The following KLRG1 variants were observed in gnomAD, a reference collection of about 807,000 sequenced individuals.
KLRG1 encodes the protein killer cell lectin like receptor G1.
Under a neutral mutation model 21.8 loss-of-function variants are expected in KLRG1, and 16 were observed. The observed-to-expected ratio is 0.73, with a 90% CI of 0.50 to 1.11. The LOEUF (loss-of-function observed/expected upper bound fraction) is 1.11, where lower values mean the gene tolerates loss of function less well. KLRG1 is among the 50% of genes most tolerant of loss of function. The pLI is 0.00. For synonymous variants in KLRG1, 69 were observed against 75.9 expected (o/e 0.91, Z 0.47); for missense variants, 173 against 218.3 (o/e 0.79, Z 1.31).
chr12:9,149,650 A>G, the KLRG1 span: 2 of 1,583,646 alleles, frequency 1.3e-6, no homozygotes, highest in Non-Finnish European at 1.7e-6. Context: ...TCTATGAACT[A>G]GGGACCATGC....
the KLRG1 span, among the ~76,000 whole-genome samples, chr12:9,044,474 G>C: frequency 2.0e-5 from 3 of 152,096 alleles, no homozygotes; most frequent in Non-Finnish European, 4.4e-5. Flanking sequence ...CCACCAGCCT[G>C]ACCAACATGG....
chr12:9,090,638 G>T, the KLRG1 span: 1 of 723,352 alleles, frequency 1.4e-6, no homozygotes, highest in Non-Finnish European at 2.2e-6. Flanking sequence ...TATTTAAGTG[G>T]ATCTTAATGT....
the KLRG1 span, chr12:9,072,396 T>C: frequency 1.2e-6 from 2 of 1,613,932 alleles, no homozygotes; most frequent in East Asian, 4.5e-5. Flanking sequence ...GTGTGGGCTT[T>C]GGGTTCATCA....
chr12:8,996,148 C>T (rs1805720), intron 3 of KLRG1, among the ~76,000 whole-genome samples: 55,669 of 151,900 alleles, frequency 0.37, 11,032 homozygotes, highest in Non-Finnish European at 0.44. Context: ...GAAGAAAACA[C>T]GCGTGCACGT....
At chr12:9,148,899 A>G in the KLRG1 span, 3 of 1,334,456 alleles carry the variant, frequency 2.2e-6, no homozygotes, top group Non-Finnish European at 3.2e-6. Flanking sequence ...TTTTATAGAG[A>G]CAAATAACTC....
At chr12:9,180,020 G>A in the KLRG1 span, among the ~76,000 whole-genome samples, 4 of 152,138 alleles carry the variant, frequency 2.6e-5, no homozygotes, top group African/African-American at 9.7e-5. Context: ...CCGGAATGTT[G>A]GGCAGATTAA....
chr12:9,005,328 T>C (rs1006587564), intron 3 of KLRG1, among the ~76,000 whole-genome samples: 5 of 152,162 alleles, frequency 3.3e-5, no homozygotes, highest in African/African-American at 1.2e-4. Context: ...ATTCTGCACA[T>C]GTGCCCCAGA....
At chr12:9,079,657 T>A in the KLRG1 span, 1 of 1,613,350 alleles carries the variant, frequency 6.2e-7, no homozygotes, top group African/African-American at 1.3e-5. Flanking sequence ...AGATAGCCAA[T>A]GGCCTTGGAC....
chr12:9,169,296 A>G, the KLRG1 span: 1 of 910,512 alleles, frequency 1.1e-6, no homozygotes, highest in Non-Finnish European at 1.6e-6. Flanking sequence ...TAACCTTTTT[A>G]TTGGCTTCAT....
the KLRG1 span, chr12:9,093,714 C>T: frequency 2.0e-6 from 1 of 512,566 alleles, no homozygotes; most frequent in Non-Finnish European, 3.3e-6. Flanking sequence ...GGAGAGGGCG[C>T]TTGGGTCATC....
In KLRG1 at chr12:8,995,157, C is replaced by G; in HGVS notation, c.226C>G (p.Pro76Ala). Residue 76 changes from proline to alanine, a missense_variant, in exon 3 of 5, where the codon CCA (proline) becomes GCA (alanine). Around this residue, in one of 3 missense-constraint regions of KLRG1, gnomAD observed 144 missense variants for 161.5 expected, o/e 0.89. Coordinates refer to ENST00000356986, the MANE Select transcript of KLRG1 (RefSeq NM_005810.4). ...YSTCASCPSC[P>A]DRWMKYGNHC... ...CACTTGTGCCAGCTGTCCTAGCTGC[C>G]CAGACCGCTGGATGAAATATGGTAA... 6.2e-7 allele frequency: 1 copy of G among 1,612,706 alleles called. No homozygotes were observed. The highest frequency in any genetic ancestry group is 8.5e-7 in the Non-Finnish European group (1 of 1,179,408).
chr12:9,152,436 G>T, the KLRG1 span: 1 of 706,736 alleles, frequency 1.4e-6, no homozygotes, highest in East Asian at 2.7e-5. Flanking sequence ...ACAAAGGTCT[G>T]TGTTCCCTGG....
At chr12:9,120,896 T>C in the KLRG1 span, among the ~76,000 whole-genome samples, 1 of 151,528 alleles carries the variant, frequency 6.6e-6, no homozygotes, top group Non-Finnish European at 1.5e-5. Context: ...TTTTTTTTTT[T>C]CAGAGACAGG....
the KLRG1 span, chr12:9,202,282 C>G: frequency 1.3e-6 from 2 of 1,552,416 alleles, no homozygotes; most frequent in Non-Finnish European, 1.8e-6. Context: ...TATTCCCACT[C>G]TACCCACAAC....
At chr12:9,058,860 T>A in the KLRG1 span, 1 of 152,804 alleles carries the variant, frequency 6.5e-6, no homozygotes, top group Non-Finnish European at 1.5e-5. Context: ...CCTGCTCACG[T>A]GGCTAGATCT....
chr12:9,077,416 C>T, the KLRG1 span: 4 of 1,612,534 alleles, frequency 2.5e-6, no homozygotes, highest in Admixed American at 1.7e-5. Context: ...ATCTTCTACT[C>T]CTCCCTGTGA....
chr12:9,126,546 G>C, the KLRG1 span, among the ~76,000 whole-genome samples: 1 of 152,086 alleles, frequency 6.6e-6, no homozygotes, highest in Non-Finnish European at 1.5e-5. Flanking sequence ...GGAACTTTCC[G>C]ACATAGCAAT....
chr12:9,035,606 A>G, the KLRG1 span, among the ~76,000 whole-genome samples: 49 of 152,122 alleles, frequency 3.2e-4, 1 homozygote, highest in African/African-American at 1.1e-3. Flanking sequence ...AAAAAAAAAA[A>G]AAGACAGAAC....
the KLRG1 span, among the ~76,000 whole-genome samples, chr12:9,117,534 G>A: frequency 5.9e-5 from 9 of 152,178 alleles, 1 homozygote; most frequent in African/African-American, 1.7e-4. Flanking sequence ...GGCTCGTCAC[G>A]GAGTGAATTG....
Sources: gnomAD v4.1 joint callset for allele counts (sites outside exome capture counted in the v4.1 genomes callset) on GRCh38, gnomAD v4.1.1 for gene constraint, gnomAD v4.1.1 regional missense constraint, MANE v1.5 for transcripts, NCBI Gene and HGNC (gene_info 2026-07-23, HGNC 2026-07-21) for gene names.